Variants in SLX4IP observed in about 807,000 individuals in gnomAD.
The protein encoded by SLX4IP is protein SLX4IP.
In SLX4IP, 34 loss-of-function variants were observed where a neutral mutation model predicts 32.9. The observed-to-expected ratio is 1.03, with a 90% CI of 0.79 to 1.38. The LOEUF is 1.38. Among genes scored for constraint, SLX4IP ranks in the 40% most tolerant of loss-of-function variants. The pLI is 0.00. For missense variants in SLX4IP, 444 were observed against 479.0 expected (o/e 0.93, Z 0.68); for synonymous variants, 172 against 171.7 (o/e 1.00, Z -0.01).
intron 3 of SLX4IP, among the ~76,000 whole-genome samples, chr20:10,558,293 G>GATCA (rs1170512191): frequency 7.1e-6 from 1 of 141,340 alleles, no homozygotes; most frequent in Non-Finnish European, 1.5e-5. Context: ...TGAGAGTTGT[G>GATCA]ATCATGCCAC....
At chr20:10,510,379 G>A (rs1450107075) in intron 2 of SLX4IP, among the ~76,000 whole-genome samples, 1 of 152,038 alleles carries the variant, frequency 6.6e-6, no homozygotes, top group Non-Finnish European at 1.5e-5. Flanking sequence ...TACTCCTTGT[G>A]GCCACACACA....
intron 2 of SLX4IP, among the ~76,000 whole-genome samples, chr20:10,546,808 AGTCGACTGAGGGAAG>A (rs745847773): frequency 6.6e-6 from 1 of 152,164 alleles, no homozygotes; most frequent in Non-Finnish European, 1.5e-5. Flanking sequence ...GCCACTGACC[AGTCGACTGAGGGAAG>A]GTACCTGCAG....
At chr20:10,538,454 G>A (rs1475976449) in intron 2 of SLX4IP, among the ~76,000 whole-genome samples, 6 of 152,040 alleles carry the variant, frequency 3.9e-5, no homozygotes, top group African/African-American at 1.4e-4. Context: ...TACACAGGGA[G>A]GAAGGGAGCA....
intron 1 of SLX4IP, among the ~76,000 whole-genome samples, chr20:10,456,095 A>G (rs1329523103): frequency 6.6e-6 from 1 of 152,220 alleles, no homozygotes; most frequent in Non-Finnish European, 1.5e-5. Context: ...CATGCACAAA[A>G]TCATAAAAAT....
intron 2 of SLX4IP, among the ~76,000 whole-genome samples, chr20:10,544,948 C>T (rs1417598334): frequency 6.6e-6 from 1 of 152,062 alleles, no homozygotes; most frequent in Non-Finnish European, 1.5e-5. Context: ...GTAGCAGGGG[C>T]TCTTAAACTT....
intron 2 of SLX4IP, among the ~76,000 whole-genome samples, chr20:10,458,630 G>C (rs1338633251): frequency 6.6e-6 from 1 of 151,884 alleles, no homozygotes; most frequent in Non-Finnish European, 1.5e-5. Context: ...TTCTGTTCTT[G>C]CATTAGTTTG....
At chr20:10,569,259 C>A (rs1474570704) in intron 4 of SLX4IP, among the ~76,000 whole-genome samples, 2 of 150,846 alleles carry the variant, frequency 1.3e-5, no homozygotes, top group Non-Finnish European at 1.5e-5. Context: ...GATCTCAGCT[C>A]ACTGCAACCT....
intron 2 of SLX4IP, among the ~76,000 whole-genome samples, chr20:10,501,535 G>A (rs967845778): frequency 6.6e-6 from 1 of 152,222 alleles, no homozygotes; most frequent in African/African-American, 2.4e-5. Context: ...CTTCAGAGGC[G>A]GAACTGCTCA....
intron 4 of SLX4IP, among the ~76,000 whole-genome samples, chr20:10,587,123 T>A (rs1436511872): frequency 1.3e-5 from 2 of 152,000 alleles, no homozygotes; most frequent in African/African-American, 4.8e-5. Context: ...CACTCAAATA[T>A]AAAAGCAGAA....
chr20:10,451,538 C>G (rs898242298), intron 1 of SLX4IP, among the ~76,000 whole-genome samples: 2 of 152,174 alleles, frequency 1.3e-5, no homozygotes, highest in East Asian at 3.8e-4. Flanking sequence ...TATTGAGCAC[C>G]TGACACATGA....
intron 1 of SLX4IP, among the ~76,000 whole-genome samples, chr20:10,443,747 G>C (rs948752234): frequency 6.6e-6 from 1 of 152,212 alleles, no homozygotes; most frequent in Non-Finnish European, 1.5e-5. Flanking sequence ...TGTTGGAGGA[G>C]GGGCCTGGTT....
rs1400335125 is a variant in SLX4IP at position 10,584,472 on chromosome 20, T to TA, written c.239-14201dup. ...CTGCAAAGCACTACCATTACTCTAA[T>TA]AAGACTCTCACTACTAATTTCATTA... On this transcript the variant is annotated intron_variant, in intron 4 of 7. Coordinates refer to ENST00000334534, the MANE Select transcript of SLX4IP (RefSeq NM_001009608.3). Among the ~76,000 whole-genome samples, 9 of 152,352 alleles carry TA rather than the reference T, an allele frequency of 5.9e-5. No individual in the cohort carries two copies. In the East Asian group the frequency reaches 1.7e-3, roughly 29 times the overall value.
chr20:10,614,803 T>C (rs2067007784), intron 6 of SLX4IP, among the ~76,000 whole-genome samples: 1 of 152,132 alleles, frequency 6.6e-6, no homozygotes, highest in African/African-American at 2.4e-5. Context: ...TGTTCTCCCT[T>C]ACTGCAAAAT....
chr20:10,512,397 G>T (rs541628143), intron 2 of SLX4IP, among the ~76,000 whole-genome samples: 13 of 151,352 alleles, frequency 8.6e-5, no homozygotes, highest in Non-Finnish European at 1.5e-4. Context: ...TTGTCATCCT[G>T]GTATTATGTC....
intron 2 of SLX4IP, among the ~76,000 whole-genome samples, chr20:10,494,162 T>C (rs554645063): frequency 3.9e-4 from 59 of 151,828 alleles, no homozygotes; most frequent in African/African-American, 1.2e-3. Context: ...ATGAGCTTTC[T>C]TTTTTTGTTG....
chr20:10,495,074 A>G (rs1234676859), intron 2 of SLX4IP, among the ~76,000 whole-genome samples: 1 of 152,340 alleles, frequency 6.6e-6, no homozygotes, highest in Non-Finnish European at 1.5e-5. Flanking sequence ...TCAAAACATC[A>G]CATTGTACTG....
intron 4 of SLX4IP, among the ~76,000 whole-genome samples, chr20:10,594,112 T>C (rs1441682554): frequency 1.3e-5 from 2 of 152,236 alleles, no homozygotes; most frequent in Non-Finnish European, 2.9e-5. Context: ...AATATGTGTA[T>C]GAAATACGGC....
At chr20:10,457,692 A>G (rs1012945556) in intron 1 of SLX4IP, among the ~76,000 whole-genome samples, 2 of 152,068 alleles carry the variant, frequency 1.3e-5, no homozygotes, top group African/African-American at 4.8e-5. Context: ...TGGTATTGGT[A>G]TCAGGATGAT....
intron 2 of SLX4IP, among the ~76,000 whole-genome samples, chr20:10,526,077 T>G (rs1320643231): frequency 6.6e-6 from 1 of 152,134 alleles, no homozygotes; most frequent in Non-Finnish European, 1.5e-5. Context: ...GCATTTCCGG[T>G]CTCACCTTCC....
Sources: allele counts gnomAD v4.1 joint callset (sites outside exome capture counted in the v4.1 genomes callset), GRCh38; gene constraint gnomAD v4.1.1; transcripts MANE v1.5; gene names NCBI Gene and HGNC (gene_info 2026-07-23, HGNC 2026-07-21).